The following PPFIBP2 variants were observed in gnomAD, a reference collection of about 807,000 sequenced individuals.
The protein encoded by PPFIBP2 is liprin-beta-2.
A neutral mutation model predicts 118.3 loss-of-function variants in PPFIBP2; 118 were observed. That is an observed-to-expected ratio of 1.00 (90% CI 0.86 to 1.16). PPFIBP2 has a LOEUF of 1.16. Among genes scored for constraint, PPFIBP2 ranks in the 50% most tolerant of loss-of-function variants. The pLI, the probability that PPFIBP2 is intolerant of heterozygous loss-of-function variation, is 0.00. For missense variants in PPFIBP2, 1,195 were observed against 1,073.1 expected (o/e 1.11, Z -1.59); for synonymous variants, 414 against 397.4 (o/e 1.04, Z -0.50).
At chr11:7,646,229 T>C (rs1853037435) in intron 17 of PPFIBP2, among the ~76,000 whole-genome samples, 1 of 152,236 alleles carries the variant, frequency 6.6e-6, no homozygotes, top group South Asian at 2.1e-4. Context: ...CGCAAGGACA[T>C]AGACAACACA....
chr11:7,541,398 A>G (rs947392395), intron 1 of PPFIBP2, among the ~76,000 whole-genome samples: 6 of 152,178 alleles, frequency 3.9e-5, no homozygotes, highest in Non-Finnish European at 7.3e-5. Context: ...TGAGCAGATG[A>G]GATCACCAGT....
intron 1 of PPFIBP2, chr11:7,539,612 C>A (rs537560350): frequency 8.0e-4 from 122 of 152,342 alleles, no homozygotes; most frequent in Non-Finnish European, 1.6e-3. Flanking sequence ...GAGATATGGC[C>A]CTGCCTGTGA....
chr11:7,620,843 C>A, intron 6 of PPFIBP2, 92 bp from the exon 7 acceptor site: 1 of 847,652 alleles, frequency 1.2e-6, no homozygotes, highest in Non-Finnish European at 2.0e-6. Context: ...GATGTGGTTG[C>A]TGCACCCCAT....
At chr11:7,665,970 G>T in the PPFIBP2 span, 1 of 1,488,268 alleles carries the variant, frequency 6.7e-7, no homozygotes, top group Non-Finnish European at 9.1e-7. Context: ...GCCGGGAGCA[G>T]TGTGAGAGGC....
intron 2 of PPFIBP2, among the ~76,000 whole-genome samples, chr11:7,562,177 G>A (rs1167747872): frequency 6.6e-6 from 1 of 152,210 alleles, no homozygotes; most frequent in African/African-American, 2.4e-5. Flanking sequence ...CTCACCTCCT[G>A]CTGTGCAGCC....
chr11:7,550,143 T>G (rs1852802782), intron 2 of PPFIBP2, among the ~76,000 whole-genome samples: 1 of 152,252 alleles, frequency 6.6e-6, no homozygotes, highest in Admixed American at 6.5e-5. Flanking sequence ...CTGTTCCAGC[T>G]GATTCCTTTC....
At chr11:7,519,098 G>A (rs115092434) in intron 1 of PPFIBP2, among the ~76,000 whole-genome samples, 5,050 of 152,204 alleles carry the variant, frequency 0.033, 297 homozygotes, top group African/African-American at 0.12. Flanking sequence ...ACTGCTGACT[G>A]GGAAGATGGT....
At chr11:7,642,167 G>A in intron 16 of PPFIBP2, 131 bp from the exon 17 acceptor site, 1 of 1,056,238 alleles carries the variant, frequency 9.5e-7, no homozygotes, top group East Asian at 2.4e-5. Flanking sequence ...TTGATCTCTG[G>A]GAAGGTACGG....
At chr11:7,556,765 T>G (rs1049697938) in intron 2 of PPFIBP2, among the ~76,000 whole-genome samples, 2 of 152,232 alleles carry the variant, frequency 1.3e-5, no homozygotes, top group African/African-American at 4.8e-5. Flanking sequence ...TACAGGCTTG[T>G]AGGTTGGTCA....
intron 3 of PPFIBP2, among the ~76,000 whole-genome samples, chr11:7,590,449 G>T (rs1386259129): frequency 3.3e-5 from 5 of 152,058 alleles, no homozygotes; most frequent in Non-Finnish European, 7.4e-5. Context: ...GGTGGGGGAG[G>T]GACCTGTCTG....
At chr11:7,605,050 C>A (rs1338264048) in intron 5 of PPFIBP2, among the ~76,000 whole-genome samples, 1 of 152,172 alleles carries the variant, frequency 6.6e-6, no homozygotes, top group Non-Finnish European at 1.5e-5. Context: ...AATTCAGGAG[C>A]AAATTCTGGA....
chr11:7,574,438 C>T (rs1315319396), intron 3 of PPFIBP2, among the ~76,000 whole-genome samples: 1 of 152,186 alleles, frequency 6.6e-6, no homozygotes, highest in East Asian at 1.9e-4. Flanking sequence ...GTAACTACCT[C>T]GGCCAATTAA....
At chr11:7,608,965 G>A (rs1847738222) in intron 5 of PPFIBP2, among the ~76,000 whole-genome samples, 2 of 152,014 alleles carry the variant, frequency 1.3e-5, no homozygotes, top group African/African-American at 4.8e-5. Flanking sequence ...AGTCTGGCTG[G>A]CCCAGGAAGA....
chr11:7,634,780 T>C (rs1289603498), intron 13 of PPFIBP2, among the ~76,000 whole-genome samples: 1 of 152,094 alleles, frequency 6.6e-6, no homozygotes, highest in Admixed American at 6.5e-5. Flanking sequence ...TGAGAGAAGA[T>C]GTTGAGATCA....
downstream of PPFIBP2, chr11:7,657,188 T>C (rs973064468): frequency 4.7e-6 from 1 of 214,538 alleles, no homozygotes; most frequent in Admixed American, 5.2e-5. Context: ...GGAAAAAAAG[T>C]TCCGAAAAAC....
At chr11:7,549,140 G>C (rs1852660644) in intron 1 of PPFIBP2, among the ~76,000 whole-genome samples, 1 of 152,174 alleles carries the variant, frequency 6.6e-6, no homozygotes, top group South Asian at 2.1e-4. Context: ...TGGAACCTGG[G>C]ACTCCAATTG....
At chr11:7,651,964 T>A (rs938536067) in intron 23 of PPFIBP2, 120 bp downstream of exon 23, 7 of 1,011,632 alleles carry the variant, frequency 6.9e-6, no homozygotes, top group South Asian at 1.8e-5. Flanking sequence ...AGAGGATCTT[T>A]CAGCTTCTGC....
intron 2 of PPFIBP2, among the ~76,000 whole-genome samples, chr11:7,550,737 A>C (rs1431950943): frequency 1.3e-5 from 2 of 152,196 alleles, no homozygotes; most frequent in Non-Finnish European, 2.9e-5. Flanking sequence ...AAGGAGATTA[A>C]CATTTGAGTC....
intron 5 of PPFIBP2, among the ~76,000 whole-genome samples, chr11:7,599,794 C>CT (rs1861082769): frequency 7.9e-6 from 1 of 126,996 alleles, no homozygotes; most frequent in Admixed American, 8.2e-5. Flanking sequence ...CCACGCCCGG[C>CT]TAATTTTTTT....
Sources: allele counts gnomAD v4.1 joint callset (sites outside exome capture counted in the v4.1 genomes callset), GRCh38; gene constraint gnomAD v4.1.1; transcripts MANE v1.5; gene names NCBI Gene and HGNC (gene_info 2026-07-23, HGNC 2026-07-21).